The following ZNF804B variants were observed in gnomAD, a reference collection of about 807,000 sequenced individuals.
ZNF804B encodes the protein zinc finger 804B.
ZNF804B carries 80 observed loss-of-function variants against 101.4 expected under a neutral mutation model. The observed-to-expected ratio is 0.79, with a 90% confidence interval of 0.66 to 0.95. The LOEUF is 0.95. ZNF804B is among the 40% of genes least tolerant of loss of function. The pLI is 0.00. For synonymous variants in ZNF804B, 622 were observed against 558.8 expected (o/e 1.11, Z -1.59); for missense variants, 1,673 against 1,561.9 (o/e 1.07, Z -1.20).
chr7:88,954,564 C>CG lies in ZNF804B; in HGVS notation c.108+194480_108+194481insG, dbSNP rs1325259585. On this transcript the variant is annotated intron_variant, in intron 1 of 3. Transcript: ENST00000333190. ...ACTCTTTCTAAAACATGCCCCCCCC[C>CG]CACCACGGGTGGCATGAGCAGATAT... Among the ~76,000 whole-genome samples, 7 of 151,354 alleles carry CG rather than the reference C, an allele frequency of 4.6e-5. No individual in the cohort carries two copies. The East Asian group carries it at 1.2e-3, about 26-fold the overall frequency.
intron 1 of ZNF804B, among the ~76,000 whole-genome samples, chr7:88,782,477 A>G (rs1354827958): frequency 6.6e-6 from 1 of 152,006 alleles, no homozygotes; most frequent in Non-Finnish European, 1.5e-5. Context: ...ATACGTGCAC[A>G]TGTATTTATA....
chr7:89,311,352 T>C (rs1192092750), intron 2 of ZNF804B, among the ~76,000 whole-genome samples: 3 of 152,158 alleles, frequency 2.0e-5, no homozygotes, highest in Non-Finnish European at 4.4e-5. Context: ...CTCAAAGAAA[T>C]GGTGATAATT....
At chr7:88,865,366 T>C (rs1198585326) in intron 1 of ZNF804B, among the ~76,000 whole-genome samples, 1 of 151,960 alleles carries the variant, frequency 6.6e-6, no homozygotes, top group Non-Finnish European at 1.5e-5. Context: ...ACCTTGTCTC[T>C]ACAGAAAGTA....
intron 1 of ZNF804B, among the ~76,000 whole-genome samples, chr7:88,906,776 A>G (rs947603740): frequency 6.6e-6 from 1 of 151,994 alleles, no homozygotes. Flanking sequence ...GTTTAAGTCT[A>G]GAGTTTCTTT....
intron 1 of ZNF804B, among the ~76,000 whole-genome samples, chr7:89,022,001 A>C (rs1268627386): frequency 6.6e-6 from 1 of 152,132 alleles, no homozygotes; most frequent in African/African-American, 2.4e-5. Context: ...CTCCTGTAGT[A>C]AGGACTACAA....
intron 1 of ZNF804B, among the ~76,000 whole-genome samples, chr7:88,838,422 A>C (rs147951496): frequency 6.2e-4 from 94 of 152,070 alleles, no homozygotes; most frequent in African/African-American, 2.2e-3. Context: ...AGTGGTTTCA[A>C]TATTTTAGAG....
intron 2 of ZNF804B, among the ~76,000 whole-genome samples, chr7:89,266,817 A>G (rs1172400177): frequency 1.3e-5 from 2 of 151,952 alleles, no homozygotes; most frequent in Non-Finnish European, 2.9e-5. Flanking sequence ...CCTTTTCAGG[A>G]AATCAAAAAA....
intron 1 of ZNF804B, among the ~76,000 whole-genome samples, chr7:88,918,827 C>T (rs964205): frequency 0.15 from 22,288 of 151,996 alleles, 2,480 homozygotes; most frequent in East Asian, 0.38. Context: ...CAGCAGTTCC[C>T]TGTGAGCTTG....
At chr7:88,869,497 C>A (rs1478360300) in intron 1 of ZNF804B, among the ~76,000 whole-genome samples, 1 of 152,100 alleles carries the variant, frequency 6.6e-6, no homozygotes, top group Non-Finnish European at 1.5e-5. Context: ...GTTAGAAAAT[C>A]TTTTTAAAAT....
At position 88,773,447 on chromosome 7, in the gene ZNF804B, G is replaced by A. The variant is rs1406013349; in HGVS notation, c.108+13363G>A. ...AGTCAATCAATCATACATTCAACAA[G>A]TATTTTTTAAGAGTATATTGTCTGT... On this transcript the variant is annotated intron_variant, in intron 1 of 3. Transcript: ENST00000333190. Among the ~76,000 whole-genome samples, 3 of 152,120 alleles carry A rather than the reference G, an allele frequency of 2.0e-5. No individual in the cohort carries two copies. In the East Asian group the frequency reaches 5.8e-4, roughly 29 times the overall value.
intron 1 of ZNF804B, among the ~76,000 whole-genome samples, chr7:88,817,377 T>C (rs1420575625): frequency 2.0e-5 from 3 of 151,930 alleles, no homozygotes; most frequent in East Asian, 3.9e-4. Flanking sequence ...ACTTAAAGTA[T>C]AATAAAAAAA....
chr7:88,833,264 C>T (rs1266284655), intron 1 of ZNF804B, among the ~76,000 whole-genome samples: 1 of 151,552 alleles, frequency 6.6e-6, no homozygotes, highest in Non-Finnish European at 1.5e-5. Context: ...TCTCCCCTTT[C>T]TAACTTCAGA....
chr7:89,251,443 A>T (rs549588291), intron 2 of ZNF804B, among the ~76,000 whole-genome samples: 61 of 152,324 alleles, frequency 4.0e-4, no homozygotes, highest in African/African-American at 1.3e-3. Context: ...GAAAGAAAGC[A>T]TAGGTAATAC....
intron 1 of ZNF804B, among the ~76,000 whole-genome samples, chr7:88,815,788 A>T (rs1338575188): frequency 6.6e-6 from 1 of 152,010 alleles, no homozygotes; most frequent in African/African-American, 2.4e-5. Context: ...CTGTCTTCCC[A>T]TGCCAAGCTG....
intron 1 of ZNF804B, among the ~76,000 whole-genome samples, chr7:89,209,681 A>T (rs1042380163): frequency 6.6e-6 from 1 of 152,194 alleles, no homozygotes; most frequent in Non-Finnish European, 1.5e-5. Context: ...ATTCTCCGTG[A>T]TATGAATTGT....
At chr7:88,991,804 A>G (rs1793851151) in intron 1 of ZNF804B, among the ~76,000 whole-genome samples, 1 of 152,166 alleles carries the variant, frequency 6.6e-6, no homozygotes, top group African/African-American at 2.4e-5. Context: ...AGAGCCTTGT[A>G]CCTCAACATT....
chr7:88,877,918 C>A (rs1359768988), intron 1 of ZNF804B, among the ~76,000 whole-genome samples: 1 of 151,932 alleles, frequency 6.6e-6, no homozygotes, highest in Non-Finnish European at 1.5e-5. Context: ...TTCTTCCTTA[C>A]AAAAATAGAG....
intron 1 of ZNF804B, among the ~76,000 whole-genome samples, chr7:88,949,072 A>AT (rs1000192142): frequency 5.3e-5 from 8 of 150,944 alleles, no homozygotes; most frequent in Non-Finnish European, 1.0e-4. Context: ...ACATATTTTG[A>AT]TTTTTTTTGG....
intron 1 of ZNF804B, among the ~76,000 whole-genome samples, chr7:89,022,857 A>G (rs1442051336): frequency 6.6e-6 from 1 of 152,158 alleles, no homozygotes; most frequent in Admixed American, 6.6e-5. Flanking sequence ...ATAAATGGGA[A>G]CTCGAATATT....
Sources: gnomAD v4.1 joint callset for allele counts (sites outside exome capture counted in the v4.1 genomes callset) on GRCh38, gnomAD v4.1.1 for gene constraint, MANE v1.5 for transcripts, NCBI Gene and HGNC (gene_info 2026-07-23, HGNC 2026-07-21) for gene names.